ANKDD1A: variants seen among roughly 807,000 people sequenced by gnomAD.
ANKDD1A encodes ankyrin repeat and death domain containing 1A.
Under a neutral mutation model 63.5 loss-of-function variants are expected in ANKDD1A, and 59 were observed. That is an observed-to-expected ratio of 0.93 (90% CI 0.75 to 1.15). The LOEUF (loss-of-function observed/expected upper bound fraction) is 1.15, where lower values mean the gene tolerates loss of function less well. Among genes scored for constraint, ANKDD1A ranks in the 50% most tolerant of loss-of-function variants. The probability of loss-of-function intolerance (pLI) is 0.00; values close to 1 mark genes in which losing one functional copy is unlikely to be tolerated. For missense variants in ANKDD1A, 632 were observed against 656.4 expected (o/e 0.96, Z 0.41); for synonymous variants, 266 against 263.9 (o/e 1.01, Z -0.08).
In ANKDD1A at chr15:64,949,576, T is replaced by A. The variant is rs138284657; in HGVS notation, c.1352-265T>A. Among the ~76,000 whole-genome samples the A allele has an allele frequency of 2.0e-3, 309 of 152,304 alleles. 2 individuals carry two copies. Among genetic ancestry groups the A allele is most frequent in the African/African-American group, 7.2e-3 (299 of 41,560 alleles). ...ACACCAACAGAGTGCATAGTGGGTG[T>A]TCAGGAGAAGGCCTGGGGCTGGGGA... On this transcript the variant is annotated intron_variant, in intron 13 of 14. Transcript: ENST00000319580.
At position 64,934,188 on chromosome 15, in the gene ANKDD1A, C is replaced by T; in HGVS notation, c.821C>T (p.Ser274Phe). ...YAALSGSEDV[S>F]RVLIHAGGCA... ...GCCCTCAGTGGCTCGGAGGATGTGT[C>T]TCGGGTCCTCATCCACGCAGGAGGC... Residue 274 changes from serine to phenylalanine, a missense_variant, in exon 9 of 15, where the codon TCT becomes TTT. Physicochemically the swap from Ser to Phe is radical, Grantham distance 155. Coordinates refer to ENST00000319580, the MANE Select transcript of ANKDD1A (RefSeq NM_182703.6). 1 of 1,612,458 alleles carries T rather than the reference C, an allele frequency of 6.2e-7. No homozygotes were observed. Among genetic ancestry groups the T allele is most frequent in the South Asian group, 1.1e-5 (1 of 90,514 alleles).
At chr15:64,922,974 A>T (rs2085018358) in intron 4 of ANKDD1A, among the ~76,000 whole-genome samples, 1 of 152,158 alleles carries the variant, frequency 6.6e-6, no homozygotes, top group Non-Finnish European at 1.5e-5. Context: ...TAGACCCTTC[A>T]CTAGATCTTG....
At chr15:64,931,015 GA>G in intron 7 of ANKDD1A, 95 bp downstream of exon 7, 11 of 1,307,964 alleles carry the variant, frequency 8.4e-6, no homozygotes, top group Non-Finnish European at 1.2e-5. Context: ...TCTAAAGCCA[GA>G]AGGCTGAGGG....
chr15:64,951,605 C>G (rs1308378480), intron 14 of ANKDD1A, among the ~76,000 whole-genome samples: 7 of 42,868 alleles, frequency 1.6e-4, no homozygotes, highest in Non-Finnish European at 3.5e-4. Context: ...CTTCTTTCTT[C>G]TTGTTCCTTA....
chr15:64,947,476 C>T lies in ANKDD1A; in HGVS notation c.1234C>T (p.Arg412Cys), dbSNP rs767105187. Residue 412 changes from arginine to cysteine, a missense_variant, in exon 13 of 15, where the codon CGT becomes TGT. Arg to Cys is a radical substitution (Grantham distance 180). Transcript: ENST00000319580. ...QDHRQETQQL[R>C]SVLWRLASRY... ...CCATCGGCAGGAAACACAGCAGCTC[C>T]GTTCTGTGCTGTGGCGGCTGGCCTC... 2.5e-5 allele frequency: 41 copies of T among 1,614,018 alleles called. No individual in the cohort carries two copies. Among genetic ancestry groups the T allele is most frequent in the Non-Finnish European group, 3.1e-5 (36 of 1,180,008 alleles).
intron 9 of ANKDD1A, among the ~76,000 whole-genome samples, chr15:64,935,051 C>A (rs895761975): frequency 6.6e-6 from 1 of 151,244 alleles, no homozygotes; most frequent in Admixed American, 6.6e-5. Context: ...CCAGGGAGAT[C>A]CATCTCTACA....
intron 14 of ANKDD1A, among the ~76,000 whole-genome samples, chr15:64,954,262 CTTCTT>C: frequency 6.9e-6 from 1 of 144,122 alleles, no homozygotes; most frequent in South Asian, 2.1e-4. Context: ...TCTTCTTCTC[CTTCTT>C]TTCCTTTCTT....
intron 5 of ANKDD1A, 141 bp from the exon 6 acceptor site, chr15:64,926,760 G>A: frequency 1.2e-6 from 1 of 810,140 alleles, no homozygotes; most frequent in South Asian, 1.6e-5. Flanking sequence ...GGTGTGGGGA[G>A]GCAAGGGGAG....
intron 8 of ANKDD1A, 64 bp from the exon 9 acceptor site, chr15:64,934,072 G>T: frequency 7.4e-7 from 1 of 1,353,244 alleles, no homozygotes; most frequent in South Asian, 1.3e-5. Context: ...GAATCTCGAA[G>T]AGCTTTGCAA....
intron 9 of ANKDD1A, among the ~76,000 whole-genome samples, chr15:64,937,928 G>A (rs2085148344): frequency 6.6e-6 from 1 of 152,060 alleles, no homozygotes; most frequent in Non-Finnish European, 1.5e-5. Flanking sequence ...TGAGTCTGGA[G>A]CATCTTGTAG....
At position 64,944,658 on chromosome 15, in the gene ANKDD1A, A is replaced by G. The variant is rs2085209686; in HGVS notation, c.1072A>G (p.Lys358Glu). 1.9e-6 allele frequency: 3 copies of G among 1,614,014 alleles called. No individual in the cohort carries two copies. The highest frequency in any genetic ancestry group is 2.5e-6 in the Non-Finnish European group (3 of 1,179,960). The change falls in exon 12 of 15, where the codon AAA becomes GAA. Residue 358 changes from lysine to glutamate, a missense_variant. Lys to Glu is a moderately conservative substitution (Grantham distance 56). Transcript: ENST00000319580. Reference protein sequence around the residue: ...VDLNLRDKQGKTALAVAVRSN... With the variant: ...VDLNLRDKQGETALAVAVRSN... ...TCTTGCCTCTTAATTGCAGCAGGGA[A>G]AAACCGCCCTGGCAGTGGCCGTCCG...
chr15:64,935,610 G>T (rs889965678), intron 9 of ANKDD1A, among the ~76,000 whole-genome samples: 1 of 151,848 alleles, frequency 6.6e-6, no homozygotes, highest in Non-Finnish European at 1.5e-5. Flanking sequence ...GGGAGGCAGA[G>T]CTTGCAGTGA....
In ANKDD1A at chr15:64,949,906, G is replaced by A. The variant is rs2085256254; in HGVS notation, c.1417G>A (p.Ala473Thr). 1 of 1,608,136 alleles carries A rather than the reference G, an allele frequency of 6.2e-7. No individual in the cohort carries two copies. Among genetic ancestry groups the A allele is most frequent in the Non-Finnish European group, 8.5e-7 (1 of 1,179,994 alleles). ...CATTTGGCTGCATGGCGTGGCCACGGCTGGTGAGAACCCCAGCAAAGCGCT... is the reference window on the plus strand; with the variant it reads ...CATTTGGCTGCATGGCGTGGCCACGACTGGTGAGAACCCCAGCAAAGCGCT... Reference protein sequence around the residue: ...LLIWLHGVATAGENPSKALFE... With the variant: ...LLIWLHGVATTGENPSKALFE... Residue 473 changes from alanine to threonine, a missense_variant, in exon 14 of 15, where the codon GCT becomes ACT. Ala to Thr is a moderately conservative substitution (Grantham distance 58, BLOSUM62 0). Coordinates refer to ENST00000319580, the MANE Select transcript of ANKDD1A (RefSeq NM_182703.6).
chr15:64,926,768 G>T, intron 5 of ANKDD1A, 133 bp from the exon 6 acceptor site: 2 of 874,936 alleles, frequency 2.3e-6, no homozygotes, highest in South Asian at 1.5e-5. Flanking sequence ...GAGGCAAGGG[G>T]AGAGGACAGT....
chr15:64,942,700 A>G, intron 10 of ANKDD1A, 135 bp downstream of exon 10: 1 of 637,968 alleles, frequency 1.6e-6, no homozygotes, highest in Non-Finnish European at 2.6e-6. Flanking sequence ...TAGCTTTTAG[A>G]AAGTAATCTA....
At chr15:64,954,667 T>C (rs1391441289) in intron 14 of ANKDD1A, among the ~76,000 whole-genome samples, 2 of 129,402 alleles carry the variant, frequency 1.5e-5, no homozygotes, top group African/African-American at 5.1e-5. Flanking sequence ...TCTTTCTTCT[T>C]GTCTCTTCTT....
intron 8 of ANKDD1A, 116 bp downstream of exon 8, chr15:64,931,701 A>G: frequency 8.6e-7 from 1 of 1,158,226 alleles, no homozygotes; most frequent in Admixed American, 2.0e-5. Context: ...TCGAGGCAGC[A>G]GACAAGGTTC....
intron 13 of ANKDD1A, among the ~76,000 whole-genome samples, chr15:64,949,406 C>T (rs1210428810): frequency 1.3e-5 from 2 of 152,196 alleles, no homozygotes; most frequent in African/African-American, 4.8e-5. Context: ...AGCTCCATCT[C>T]TGACTAAGCT....
chr15:64,954,812 G>A (rs1429515356), intron 14 of ANKDD1A, among the ~76,000 whole-genome samples: 1 of 133,044 alleles, frequency 7.5e-6, no homozygotes, highest in Admixed American at 7.9e-5. Flanking sequence ...CTTCTTCCTT[G>A]TTCTTCTCCT....
Sources: allele counts gnomAD v4.1 joint callset (sites outside exome capture counted in the v4.1 genomes callset), GRCh38; gene constraint gnomAD v4.1.1; transcripts MANE v1.5; gene names NCBI Gene and HGNC (gene_info 2026-07-23, HGNC 2026-07-21).